The following ALMS1 variants were observed in gnomAD, a reference collection of about 807,000 sequenced individuals.
The protein encoded by ALMS1 is ALMS1 centrosome and basal body associated protein.
A neutral mutation model predicts 352.2 loss-of-function variants in ALMS1; 271 were observed. The ratio of observed to expected loss-of-function variants is 0.77; its 90% CI spans 0.70 to 0.85. The LOEUF is 0.85. Among genes scored for constraint, ALMS1 ranks in the 40% least tolerant of loss-of-function variants. ALMS1 has a pLI of 0.00. For missense variants in ALMS1, 5,445 were observed against 4,870.7 expected (o/e 1.12, Z -3.51); for synonymous variants, 1,865 against 1,761.2 (o/e 1.06, Z -1.48).
At chr2:73,519,741 A>G (rs1282174629) in intron 10 of ALMS1, 34 bp from the exon 11 acceptor site, 6 of 1,613,356 alleles carry the variant, frequency 3.7e-6, no homozygotes, top group Non-Finnish European at 5.1e-6. Flanking sequence ...GGCCAAGGAT[A>G]TAATCTGCTG....
chr2:73,416,242 ATT>A (rs1430669348), intron 2 of ALMS1, among the ~76,000 whole-genome samples: 1 of 152,200 alleles, frequency 6.6e-6, no homozygotes, highest in Non-Finnish European at 1.5e-5. Flanking sequence ...AAAATTAATC[ATT>A]CTCATATTCC....
At chr2:73,478,498 C>G (rs548591269) in intron 9 of ALMS1, among the ~76,000 whole-genome samples, 8 of 152,170 alleles carry the variant, frequency 5.3e-5, no homozygotes, top group African/African-American at 1.9e-4. Context: ...GTTTATGTTT[C>G]TCAAATTCGG....
At chr2:73,537,160 A>C (rs1463052984) in intron 12 of ALMS1, among the ~76,000 whole-genome samples, 1 of 152,180 alleles carries the variant, frequency 6.6e-6, no homozygotes, top group Non-Finnish European at 1.5e-5. Context: ...TTTATCAAAA[A>C]CATTTACAGA....
chr2:73,448,455 A>T lies in ALMS1; in HGVS notation c.1928A>T (p.Glu643Val). The T allele has an allele frequency of 6.2e-7, 1 of 1,613,950 alleles. No individual in the cohort carries two copies. ...GAGTTACCAGAGAGTAACTTAACCG[A>T]AGAGCCTTTGGAAGTTTCAGCTGCT... ...QQELPESNLT[E>V]EPLEVSAAPG... The change falls in exon 8 of 23, where the codon GAA (glutamate) becomes GTA (valine). Residue 643 changes from glutamate to valine, a missense_variant. Glu to Val is a moderately radical substitution (Grantham distance 121, BLOSUM62 -2). Transcript: ENST00000613296.
intron 10 of ALMS1, among the ~76,000 whole-genome samples, chr2:73,500,968 T>A (rs921741362): frequency 1.3e-5 from 2 of 152,184 alleles, no homozygotes; most frequent in Non-Finnish European, 2.9e-5. Context: ...ATATGTGAGT[T>A]TCAGTTATTC....
At chr2:73,575,852 AT>A (rs112224769) in intron 16 of ALMS1, among the ~76,000 whole-genome samples, 69,116 of 149,926 alleles carry the variant, frequency 0.46, 17,996 homozygotes, top group African/African-American at 0.73. Context: ...CAATTTAGCT[AT>A]TTTTTTTTTG....
intron 7 of ALMS1, among the ~76,000 whole-genome samples, chr2:73,440,966 C>T (rs943821370): frequency 9.9e-5 from 15 of 152,246 alleles, no homozygotes; most frequent in African/African-American, 3.4e-4. Context: ...TTCAGTGGTA[C>T]CATTGAGGCT....
intron 6 of ALMS1, 67 bp downstream of exon 6, chr2:73,426,620 ATTG>A: frequency 6.7e-7 from 1 of 1,499,884 alleles, no homozygotes; most frequent in South Asian, 1.1e-5. Context: ...AGGAAATGGT[ATTG>A]TTTGTTTTTA....
chr2:73,424,673 T>G lies in ALMS1; in HGVS notation c.1008T>G (p.Cys336Trp). 6.2e-7 allele frequency: 1 copy of G among 1,614,110 alleles called. No individual in the cohort carries two copies. Among genetic ancestry groups the G allele is most frequent in the Non-Finnish European group, 8.5e-7 (1 of 1,180,008 alleles). Residue 336 changes from cysteine to tryptophan, a missense_variant, in exon 5 of 23, where the codon TGT (cysteine) becomes TGG (tryptophan). Cys to Trp is a radical substitution (Grantham distance 215). Transcript: ENST00000613296. ...ATGAACTGAAAATTCCCAAAGACTG[T>G]GATCGTTATGATGATCTTTGTTCAT... The part of the protein sequence containing the change: ...SVDELKIPKD[C>W]DRYDDLCSYM...
At position 73,385,918 on chromosome 2, in the gene ALMS1, AGGAGG is replaced by A. The variant is rs755530002; in HGVS notation, c.51_55del (p.Glu18GlyfsTer107). 1.0e-4 allele frequency: 89 copies of A among 879,750 alleles called. 1 individual carries two copies. In the African/African-American group the frequency reaches 1.4e-3, roughly 14 times the overall value. The allele number at this position is 879,750 out of a possible 1,614,324, so 54.5% of individuals were successfully genotyped here. A position where few individuals can be genotyped will look rare whatever the true frequency, so the allele number is the denominator to read the frequency against. ...CCGGGCGAGCTGGAGGAGGAGGAGG[AGGAGG>A]AGGAGGAGGAGGAGGAGGAAGAGGA... On this transcript the variant is annotated frameshift_variant, in exon 1 of 23. Coordinates refer to ENST00000613296, the MANE Select transcript of ALMS1 (RefSeq NM_001378454.1). LOFTEE classifies it high-confidence loss of function.
At chr2:73,505,332 C>G (rs995076467) in intron 10 of ALMS1, among the ~76,000 whole-genome samples, 1 of 152,204 alleles carries the variant, frequency 6.6e-6, no homozygotes, top group Non-Finnish European at 1.5e-5. Context: ...ATTTACACTT[C>G]CACCAACAGC....
chr2:73,406,817 G>A (rs1457723990), intron 1 of ALMS1, among the ~76,000 whole-genome samples: 1 of 152,098 alleles, frequency 6.6e-6, no homozygotes, highest in East Asian at 1.9e-4. Flanking sequence ...GCAGAGATGG[G>A]GTTTCGCCAT....
chr2:73,490,170 T>C lies in ALMS1; in HGVS notation c.8211T>C (p.Thr2737=), dbSNP rs759935089. Residue 2737 remains threonine (T), a synonymous_variant, in exon 10 of 23, where the codon ACT becomes ACC. Transcript: ENST00000613296. ...CCTCTGTTGTTAAGGTTGGTGTTACTGAAGGTAGCCAGTGTACTGGAGCAT... is the reference window on the plus strand; with the variant it reads ...CCTCTGTTGTTAAGGTTGGTGTTACCGAAGGTAGCCAGTGTACTGGAGCAT... ...SNSSVVKVGV[T]EGSQCTGASV... 6.2e-7 allele frequency: 1 copy of C among 1,614,106 alleles called. No homozygotes were observed. Among genetic ancestry groups the C allele is most frequent in the African/African-American group, 1.3e-5 (1 of 74,940 alleles).
chr2:73,450,992 G>A lies in ALMS1; in HGVS notation c.4465G>A (p.Ala1489Thr). The A allele has an allele frequency of 6.2e-7, 1 of 1,613,818 alleles. No individual in the cohort carries two copies. The highest frequency in any genetic ancestry group is 1.1e-5 in the South Asian group (1 of 91,068). ...GAAGCCCATTGTTATCTACAAACAG[G>A]CCTTTCCAGAGGGTCATCTACCTGA... ...GEKPIVIYKQ[A>T]FPEGHLPEES... Residue 1489 changes from alanine (A) to threonine (T), a missense_variant, in exon 8 of 23, where the codon GCC (alanine) becomes ACC (threonine). Coordinates refer to ENST00000613296, the MANE Select transcript of ALMS1 (RefSeq NM_001378454.1).
intron 7 of ALMS1, among the ~76,000 whole-genome samples, chr2:73,435,272 T>A (rs1671584169): frequency 6.6e-6 from 1 of 152,224 alleles, no homozygotes; most frequent in Non-Finnish European, 1.5e-5. Flanking sequence ...TGGATTCACA[T>A]TTTCTGGCTT....
At position 73,452,756 on chromosome 2, in the gene ALMS1, G is replaced by C. The variant is rs779402813; in HGVS notation, c.6229G>C (p.Val2077Leu). The change falls in exon 8 of 23, where the codon GTC (valine) becomes CTC (leucine). Residue 2077 changes from valine to leucine, a missense_variant. Physicochemically the swap from Val to Leu is conservative, Grantham distance 32. Transcript: ENST00000613296. ...TAAAGGTATTCTAAAGATTTCAGCT[G>C]TCCCTGAACTAACTGATGTGAATAC... ...QSKGILKISA[V>L]PELTDVNTGK... 6.2e-7 allele frequency: 1 copy of C among 1,613,342 alleles called. No individual in the cohort carries two copies.
chr2:73,549,545 TA>T (rs1674386655), intron 12 of ALMS1, among the ~76,000 whole-genome samples: 1 of 152,192 alleles, frequency 6.6e-6, no homozygotes, highest in African/African-American at 2.4e-5. Context: ...AAGTGTCCAC[TA>T]TTTTTAAATA....
rs751753739 is a variant in ALMS1 at position 73,448,690 on chromosome 2, G to A, written c.2163G>A (p.Lys721=). The change falls in exon 8 of 23, where the codon AAG becomes AAA. Residue 721 remains lysine (K), a synonymous_variant. Transcript: ENST00000613296. ...VLSTPHSHRE[K]PGIFYQQEFA... ...CTACTCCCCACTCACATAGAGAGAA[G>A]CCTGGTATTTTTTACCAACAAGAGT... 1.9e-6 allele frequency: 3 copies of A among 1,604,734 alleles called. No homozygotes were observed. Among genetic ancestry groups the A allele is most frequent in the Admixed American group, 1.7e-5 (1 of 59,098 alleles).
intron 5 of ALMS1, among the ~76,000 whole-genome samples, chr2:73,425,898 T>G (rs532800218): frequency 6.6e-6 from 1 of 152,242 alleles, no homozygotes; most frequent in Non-Finnish European, 1.5e-5. Flanking sequence ...AAATGTTCAT[T>G]AAGCCACTTT....
Sources: gnomAD v4.1 joint callset for allele counts (sites outside exome capture counted in the v4.1 genomes callset) on GRCh38, gnomAD v4.1.1 for gene constraint, MANE v1.5 for transcripts, NCBI Gene and HGNC (gene_info 2026-07-23, HGNC 2026-07-21) for gene names.